ECT2L: variants seen among roughly 807,000 people sequenced by gnomAD.
ECT2L encodes epithelial cell transforming 2 like, also known as epithelial cell-transforming sequence 2 oncogene-like.
ECT2L carries 126 observed loss-of-function variants against 122.8 expected under a neutral mutation model. The ratio of observed to expected loss-of-function variants is 1.03; its 90% confidence interval spans 0.89 to 1.19. The LOEUF (loss-of-function observed/expected upper bound fraction) is 1.19. Among genes scored for constraint, ECT2L ranks in the 50% most tolerant of loss-of-function variants. The probability of loss-of-function intolerance (pLI) is 0.00; values close to 1 mark genes in which losing one functional copy is unlikely to be tolerated. For synonymous variants in ECT2L, 385 were observed against 381.8 expected, an observed-to-expected ratio of 1.01 and a Z score of -0.10; for missense variants, 1,012 against 1,064.1, an observed-to-expected ratio of 0.95 and a Z score of 0.68.
chr6:138,846,432 A>G, intron 7 of ECT2L, 107 bp from the exon 8 acceptor site: 1 of 1,071,786 alleles, frequency 9.3e-7, no homozygotes, highest in South Asian at 2.2e-5. Context: ...CATGGAGGCC[A>G]CGTGCCTTGT....
chr6:138,881,221 A>AG, intron 15 of ECT2L, 50 bp downstream of exon 15: 1 of 1,537,676 alleles, frequency 6.5e-7, no homozygotes, highest in Non-Finnish European at 8.9e-7. Flanking sequence ...CACTGAGAAG[A>AG]GCCCATGCTT....
In ECT2L at chr6:138,809,290, C is replaced by T. The variant is rs546837447; in HGVS notation, c.-243-3548C>T. The stretch of plus-strand genomic sequence containing the variant: ...TCAAAAACACTTGTTGGGCCAGCTG[C>T]GGGGCTCATACCTGTAATCCCAGCA... On this transcript the variant is annotated intron_variant, in intron 1 of 21. Coordinates refer to ENST00000541398, the MANE Select transcript of ECT2L (RefSeq NM_001077706.3). Among the ~76,000 whole-genome samples the T allele has an allele frequency of 6.2e-4, 95 of 152,164 alleles. 1 individual carries two copies. The highest frequency in any genetic ancestry group is 1.9e-3 in the African/African-American group (80 of 41,520).
intron 13 of ECT2L, among the ~76,000 whole-genome samples, chr6:138,868,556 C>T (rs1398309339): frequency 2.6e-5 from 4 of 151,672 alleles, no homozygotes; most frequent in Admixed American, 6.6e-5. Flanking sequence ...GAAACCAATT[C>T]CTAGTTTCAG....
intron 1 of ECT2L, among the ~76,000 whole-genome samples, chr6:138,810,622 G>C (rs1455334171): frequency 6.6e-6 from 1 of 152,194 alleles, no homozygotes; most frequent in Non-Finnish European, 1.5e-5. Flanking sequence ...GTGATTGTTG[G>C]AGACAAAATG....
At chr6:138,856,829 G>A (rs1266070034) in intron 10 of ECT2L, among the ~76,000 whole-genome samples, 5 of 152,138 alleles carry the variant, frequency 3.3e-5, no homozygotes, top group Admixed American at 6.5e-5. Context: ...TTGCAACACC[G>A]ATGAGCAATT....
rs1562471985 is a variant in ECT2L at position 138,847,354 on chromosome 6, A to ATTTTT, written c.903+677_903+678insTTTTT. On this transcript the variant is annotated intron_variant, in intron 8 of 21. Transcript: ENST00000541398. ...TTTTGAAAAAGCATTAAAGGCCCAA[A>ATTTTT]CTTTTTTTTTTTTTTTTTTTTTTTT... Among the ~76,000 whole-genome samples, 379 of 111,030 alleles carry ATTTTT rather than the reference A, an allele frequency of 3.4e-3. 21 individuals carry two copies. Among genetic ancestry groups the ATTTTT allele is most frequent in the African/African-American group, 0.015 (365 of 24,914 alleles). The allele number at this position is 111,030 out of a possible 152,430, so 72.8% of individuals were successfully genotyped here.
At chr6:138,863,642 A>G (rs1478337721) in intron 11 of ECT2L, among the ~76,000 whole-genome samples, 1 of 149,996 alleles carries the variant, frequency 6.7e-6, no homozygotes, top group Non-Finnish European at 1.5e-5. Flanking sequence ...ACAGAGTCTC[A>G]CACTGTTGCC....
intron 20 of ECT2L, 73 bp from the exon 21 acceptor site, chr6:138,900,869 ATCAATT>A (rs1779372840): frequency 1.4e-6 from 2 of 1,454,976 alleles, no homozygotes; most frequent in Admixed American, 2.3e-5. Flanking sequence ...CTAGTGACTT[ATCAATT>A]TCAAGATGCT....
intron 9 of ECT2L, among the ~76,000 whole-genome samples, chr6:138,850,437 G>T (rs1777397406): frequency 6.6e-6 from 1 of 152,106 alleles, no homozygotes; most frequent in Admixed American, 6.5e-5. Flanking sequence ...GAGCCACTTT[G>T]CCCGGCTGTG....
chr6:138,848,049 T>C (rs1296663021), intron 8 of ECT2L, among the ~76,000 whole-genome samples: 2 of 152,202 alleles, frequency 1.3e-5, no homozygotes, highest in African/African-American at 2.4e-5. Flanking sequence ...CAGACACTTA[T>C]GAAGCCATCA....
At position 138,903,437 on chromosome 6, in the gene ECT2L, A is replaced by G. The variant is rs1213245014; in HGVS notation, c.*810A>G. On this transcript the variant is annotated 3_prime_UTR_variant, in exon 22 of 22. Coordinates refer to ENST00000541398, the MANE Select transcript of ECT2L (RefSeq NM_001077706.3). ...AAAACTTGTCACACTTATCCTTAGT[A>G]TGAATGTACTCCTCTAGAGAGCATT... 1.3e-5 allele frequency: 2 copies of G among 152,146 alleles called. No homozygotes were observed. The highest frequency in any genetic ancestry group is 2.9e-5 in the Non-Finnish European group (2 of 68,022). The allele number at this position is 152,146 out of a possible 1,614,324, so 9.4% of individuals were successfully genotyped here. A position where few individuals can be genotyped will look rare whatever the true frequency, so the allele number is the denominator to read the frequency against.
chr6:138,833,839 A>G (rs1039112582), intron 4 of ECT2L, among the ~76,000 whole-genome samples: 1 of 151,326 alleles, frequency 6.6e-6, no homozygotes, highest in Admixed American at 6.6e-5. Context: ...AAAATGCACC[A>G]GGGACTGAAA....
rs1775902942 is a variant in ECT2L, at chr6:138,811,681, TA to T, written c.-243-1156del. 3.9e-5 allele frequency among the ~76,000 whole-genome samples: 6 copies of T among 152,240 alleles called. No homozygotes were observed. The South Asian group carries it at 1.2e-3, about 32-fold the overall frequency. On this transcript the variant is annotated intron_variant, in intron 1 of 21. Transcript: ENST00000541398. ...AGCTATGATTTTTATTTTATTTATT[TA>T]TTTTTTTGAGATGGACTCTCGCTGT...
chr6:138,839,805 T>G (rs949589923), intron 5 of ECT2L, among the ~76,000 whole-genome samples: 2 of 152,218 alleles, frequency 1.3e-5, no homozygotes, highest in African/African-American at 4.8e-5. Context: ...TTTTTTCAAT[T>G]GTTAATTATG....
intron 14 of ECT2L, among the ~76,000 whole-genome samples, chr6:138,878,197 T>G (rs746765149): frequency 1.2e-4 from 19 of 152,050 alleles, no homozygotes; most frequent in South Asian, 2.1e-4. Flanking sequence ...ATATAAGAGG[T>G]ATGTACGAAA....
chr6:138,822,055 G>T (rs6939425), intron 4 of ECT2L, among the ~76,000 whole-genome samples: 17,160 of 152,254 alleles, frequency 0.11, 1,342 homozygotes, highest in East Asian at 0.27. Context: ...TACATTTGTG[G>T]TAGCTTTGTT....
At chr6:138,840,096 A>G (rs1338218350) in intron 5 of ECT2L, among the ~76,000 whole-genome samples, 3 of 152,230 alleles carry the variant, frequency 2.0e-5, no homozygotes, top group Non-Finnish European at 4.4e-5. Context: ...AGCAAGAGAA[A>G]AGAGATTGTT....
At chr6:138,820,369 G>A (rs1242308149) in intron 4 of ECT2L, among the ~76,000 whole-genome samples, 3 of 152,218 alleles carry the variant, frequency 2.0e-5, no homozygotes, top group Non-Finnish European at 4.4e-5. Flanking sequence ...ACTGTTGTGT[G>A]AAGACCAATG....
chr6:138,899,054 G>A (rs765626639), intron 20 of ECT2L, among the ~76,000 whole-genome samples: 1 of 151,890 alleles, frequency 6.6e-6, no homozygotes, highest in African/African-American at 2.4e-5. Context: ...TGACCAATCC[G>A]TCCTACTCTC....
Sources: gnomAD v4.1 joint callset for allele counts (sites outside exome capture counted in the v4.1 genomes callset) on GRCh38, gnomAD v4.1.1 for gene constraint, MANE v1.5 for transcripts, NCBI Gene and HGNC (gene_info 2026-07-23, HGNC 2026-07-21) for gene names.